Variants in MTG2 observed in about 807,000 individuals in gnomAD.
MTG2 encodes the protein mitochondrial ribosome associated GTPase 2, also known as mitochondrial ribosome-associated GTPase 2.
A neutral mutation model predicts 28.6 loss-of-function variants in MTG2; 23 were observed. The observed-to-expected ratio is 0.80, with a 90% CI of 0.58 to 1.14. The LOEUF is 1.14. MTG2 is among the 50% of genes most tolerant of loss of function. MTG2 has a pLI of 0.00. For synonymous variants in MTG2, 260 were observed against 251.8 expected (o/e 1.03, Z -0.31); for missense variants, 539 against 552.0 (o/e 0.98, Z 0.24).
In MTG2 at chr20:62,183,061, A is replaced by T. The variant is rs1353252409; in HGVS notation, c.-6+4A>T. On this transcript the variant is annotated splice_donor_region_variant and intron_variant, in intron 1 of 6. Transcript: ENST00000370823. ...AGTGACGTGCTTTCCCGAGCCGGTGAGTGCGGGAGCGGGGAGCGGGGAGCG... is the reference window on the plus strand; with the variant it reads ...AGTGACGTGCTTTCCCGAGCCGGTGTGTGCGGGAGCGGGGAGCGGGGAGCG... 1 of 141,310 alleles carries T rather than the reference A, an allele frequency of 7.1e-6. No homozygotes were observed. Among genetic ancestry groups the T allele is most frequent in the Admixed American group, 6.8e-5 (1 of 14,798 alleles). The allele number at this position is 141,310 out of a possible 1,614,324, so 8.8% of individuals were successfully genotyped here.
intron 1 of MTG2, among the ~76,000 whole-genome samples, chr20:62,192,732 G>A (rs2145843800): frequency 6.6e-6 from 1 of 152,246 alleles, no homozygotes. Flanking sequence ...TCTGTGTCAG[G>A]CACCCCTATC....
intron 1 of MTG2, among the ~76,000 whole-genome samples, chr20:62,190,797 G>T (rs550018919): frequency 1.3e-5 from 2 of 152,224 alleles, no homozygotes; most frequent in Non-Finnish European, 2.9e-5. Context: ...GAGGAAGTCC[G>T]CAGGGATGCC....
intron 1 of MTG2, among the ~76,000 whole-genome samples, chr20:62,191,912 ATGAG>A (rs1197524206): frequency 6.6e-6 from 1 of 152,186 alleles, no homozygotes; most frequent in Non-Finnish European, 1.5e-5. Context: ...GGCTTGTTGA[ATGAG>A]TGACAGCTTA....
At chr20:62,197,672 T>A in intron 3 of MTG2, 180 bp from the exon 4 acceptor site, 1 of 580,192 alleles carries the variant, frequency 1.7e-6, no homozygotes, top group Non-Finnish European at 3.1e-6. Flanking sequence ...TAGCACTTTT[T>A]GAAGGAAAAT....
intron 3 of MTG2, chr20:62,197,202 G>C (rs959228844): frequency 6.6e-6 from 1 of 151,956 alleles, no homozygotes; most frequent in Non-Finnish European, 1.5e-5. Context: ...TTCAAGACCA[G>C]CCTGGCCAAT....
Position 62,198,771 on chromosome 20 carries a change from C to T in MTG2, c.606C>T (p.Ala202=), listed in dbSNP as rs144122019. The T allele has an allele frequency of 1.5e-5, 24 of 1,614,048 alleles. No homozygotes were observed. Among genetic ancestry groups the T allele is most frequent in the Non-Finnish European group, 1.9e-5 (23 of 1,180,054 alleles). Residue 202 remains alanine, a synonymous_variant, in exon 5 of 7, where the codon GCC becomes GCT. Coordinates refer to ENST00000370823, the MANE Select transcript of MTG2 (RefSeq NM_015666.4). ...TCTTCCTGGCCAACAACAACCGTGC[C>T]CCTGTGACCTGTACCCCTGGACAGC... is the stretch of plus-strand genomic sequence containing the variant. ...NRFFLANNNR[A]PVTCTPGQPG...
chr20:62,193,975 C>T lies in MTG2; in HGVS notation c.204+351C>T, dbSNP rs1002640694. 2.6e-5 allele frequency: 5 copies of T among 194,428 alleles called. No individual in the cohort carries two copies. The South Asian group carries it at 4.2e-4, about 16-fold the overall frequency. The allele number at this position is 194,428 out of a possible 1,614,324, so 12.0% of individuals were successfully genotyped here. ...AATGCGGAGGCTGGGCACGGTGGCT[C>T]ATGCCTGTTATCCCAACACTTTGGG... is the stretch of plus-strand genomic sequence containing the variant. On this transcript the variant is annotated intron_variant, in intron 2 of 6. Transcript: ENST00000370823.
Position 62,184,764 on chromosome 20 carries a change from C to T in MTG2, c.-6+1707C>T, listed in dbSNP as rs149876392. 1.4e-3 allele frequency among the ~76,000 whole-genome samples: 217 copies of T among 152,238 alleles called. 1 individual carries two copies. Among genetic ancestry groups the T allele is most frequent in the African/African-American group, 4.9e-3 (204 of 41,556 alleles). On this transcript the variant is annotated intron_variant, in intron 1 of 6. Coordinates refer to ENST00000370823, the MANE Select transcript of MTG2 (RefSeq NM_015666.4). ...CTGGAAAAGCAAATGGAAGATAGCT[C>T]GGCATGCAGTATTACCCCTCGCAGG...
chr20:62,189,857 G>T (rs567768208), intron 1 of MTG2, among the ~76,000 whole-genome samples: 1 of 152,018 alleles, frequency 6.6e-6, no homozygotes, highest in East Asian at 1.9e-4. Flanking sequence ...TAGAGACGGG[G>T]TTTCACCACG....
At chr20:62,199,313 GTAA>G in intron 6 of MTG2, 56 bp downstream of exon 6, 2 of 1,567,742 alleles carry the variant, frequency 1.3e-6, no homozygotes, top group Non-Finnish European at 1.7e-6. Context: ...ATTCAGAAAA[GTAA>G]TGATGTAACT....
intron 1 of MTG2, among the ~76,000 whole-genome samples, chr20:62,184,813 A>T (rs527729768): frequency 6.6e-6 from 1 of 152,348 alleles, no homozygotes; most frequent in South Asian, 2.1e-4. Flanking sequence ...GAATACATTT[A>T]AAAGTGGATA....
At chr20:62,188,945 T>A (rs1216701701) in intron 1 of MTG2, 1 of 152,190 alleles carries the variant, frequency 6.6e-6, no homozygotes, top group Non-Finnish European at 1.5e-5. Context: ...TTGGATGTAC[T>A]GTTATGTAAA....
intron 1 of MTG2, among the ~76,000 whole-genome samples, chr20:62,187,861 C>T (rs746893430): frequency 6.6e-6 from 1 of 152,150 alleles, no homozygotes; most frequent in Non-Finnish European, 1.5e-5. Flanking sequence ...TTACTTTGCT[C>T]TTTCTGGTTT....
intron 4 of MTG2, chr20:62,198,244 G>A (rs920538993): frequency 1.5e-5 from 8 of 518,152 alleles, no homozygotes; most frequent in East Asian, 6.8e-5. Context: ...CGGCACGGAC[G>A]CTTCCTCCGT....
intron 1 of MTG2, among the ~76,000 whole-genome samples, chr20:62,191,357 C>T (rs896535502): frequency 1.3e-5 from 2 of 152,104 alleles, no homozygotes; most frequent in African/African-American, 4.8e-5. Flanking sequence ...TCAATGACAC[C>T]CTGGTTCTGG....
At chr20:62,190,979 C>T (rs1004196578) in intron 1 of MTG2, among the ~76,000 whole-genome samples, 5 of 152,078 alleles carry the variant, frequency 3.3e-5, no homozygotes, top group African/African-American at 9.7e-5. Context: ...TGGGAGCAGG[C>T]GGGGAGGTGG....
chr20:62,195,794 C>T lies in MTG2; in HGVS notation c.205-8C>T. The T allele has an allele frequency of 6.2e-7, 1 of 1,614,086 alleles. No individual in the cohort carries two copies. Among genetic ancestry groups the T allele is most frequent in the Non-Finnish European group, 8.5e-7 (1 of 1,180,000 alleles). Reference sequence around the variant, plus strand: ...TGAGATGACGTGGGATATTTGTGTTCTCTGTAGAAAAGGTACTTTGTGGAC... The same window carrying T: ...TGAGATGACGTGGGATATTTGTGTTTTCTGTAGAAAAGGTACTTTGTGGAC... On this transcript the variant is annotated splice_polypyrimidine_tract_variant and splice_region_variant and intron_variant, in intron 2 of 6. Coordinates refer to ENST00000370823, the MANE Select transcript of MTG2 (RefSeq NM_015666.4).
At chr20:62,190,899 A>G (rs1226303276) in intron 1 of MTG2, among the ~76,000 whole-genome samples, 2 of 152,212 alleles carry the variant, frequency 1.3e-5, no homozygotes, top group Non-Finnish European at 2.9e-5. Context: ...AGGGTGTCCC[A>G]TGGAGAGGTG....
At chr20:62,196,202 CA>C (rs2058055925) in intron 3 of MTG2, among the ~76,000 whole-genome samples, 1 of 148,508 alleles carries the variant, frequency 6.7e-6, no homozygotes, top group Admixed American at 6.7e-5. Context: ...TGTGGATCTA[CA>C]AAAAATTTTT....
Sources: allele counts gnomAD v4.1 joint callset (sites outside exome capture counted in the v4.1 genomes callset), GRCh38; gene constraint gnomAD v4.1.1; transcripts MANE v1.5; gene names NCBI Gene and HGNC (gene_info 2026-07-23, HGNC 2026-07-21).